The following PPP6R3 variants were observed in gnomAD, a reference collection of about 807,000 sequenced individuals.
PPP6R3 encodes the protein protein phosphatase 6 regulatory subunit 3, also known as serine/threonine-protein phosphatase 6 regulatory subunit 3.
Under a neutral mutation model 110.7 loss-of-function variants are expected in PPP6R3, and 38 were observed. The ratio of observed to expected loss-of-function variants is 0.34; its 90% CI spans 0.26 to 0.45. PPP6R3 has a LOEUF of 0.45. PPP6R3 is among the 20% of genes least tolerant of loss of function. The pLI is 1.00. For missense variants in PPP6R3, 870 were observed against 1,062.4 expected (o/e 0.82, Z 2.52); for synonymous variants, 369 against 373.5 (o/e 0.99, Z 0.14).
intron 1 of PPP6R3, among the ~76,000 whole-genome samples, chr11:68,515,857 A>AT (rs2099134027): frequency 2.0e-5 from 3 of 152,216 alleles, no homozygotes; most frequent in African/African-American, 7.2e-5. Flanking sequence ...TCTCTTCAGA[A>AT]TTCTTTAGAC....
At chr11:68,498,730 A>G (rs191195358) in intron 1 of PPP6R3, among the ~76,000 whole-genome samples, 1 of 152,344 alleles carries the variant, frequency 6.6e-6, no homozygotes, top group Non-Finnish European at 1.5e-5. Flanking sequence ...TTGTTGATGG[A>G]CATTGGATAG....
intron 11 of PPP6R3, 150 bp downstream of exon 11, chr11:68,570,047 A>C (rs183442173): frequency 5.5e-5 from 39 of 704,312 alleles, no homozygotes; most frequent in Middle Eastern, 5.6e-4. Flanking sequence ...CACTTTTAAC[A>C]TATAAATCAT....
chr11:68,505,839 C>T (rs762213510), intron 1 of PPP6R3, among the ~76,000 whole-genome samples: 4 of 151,906 alleles, frequency 2.6e-5, no homozygotes, highest in Non-Finnish European at 4.4e-5. Context: ...GAAATGCTAA[C>T]GGTGGAGACT....
chr11:68,488,209 A>G (rs2098960629), intron 1 of PPP6R3, among the ~76,000 whole-genome samples: 1 of 152,126 alleles, frequency 6.6e-6, no homozygotes, highest in South Asian at 2.1e-4. Flanking sequence ...AGTTAACATG[A>G]TATATCTTTT....
In PPP6R3 at chr11:68,615,118, T is replaced by C. The variant is rs1945017661; in HGVS notation, c.*2001T>C. ...TTCTTTGGGGCATCATTTTGTTTTG[T>C]CTTTCGTAGCAGGGAAAGGATATGA... On this transcript the variant is annotated 3_prime_UTR_variant, in exon 24 of 24. Coordinates refer to ENST00000393800, the MANE Select transcript of PPP6R3 (RefSeq NM_001164161.2). 2 of 459,880 alleles carry C rather than the reference T, an allele frequency of 4.3e-6. No homozygotes were observed. Among genetic ancestry groups the C allele is most frequent in the Admixed American group, 4.7e-5 (2 of 42,692 alleles). The allele number at this position is 459,880 out of a possible 1,614,324, so 28.5% of individuals were successfully genotyped here.
intron 2 of PPP6R3, among the ~76,000 whole-genome samples, chr11:68,521,107 T>A (rs2099162313): frequency 6.6e-6 from 1 of 152,202 alleles, no homozygotes; most frequent in Non-Finnish European, 1.5e-5. Context: ...GTATTTGAAT[T>A]CACGTCTTCT....
chr11:68,463,577 A>T lies in PPP6R3; in HGVS notation c.-158+2750A>T, dbSNP rs647153. On this transcript the variant is annotated intron_variant, in intron 1 of 23. Coordinates refer to ENST00000393800, the MANE Select transcript of PPP6R3 (RefSeq NM_001164161.2). Reference sequence around the variant, plus strand: ...CTAAAATTTTACAGTATTTTACTAAATAAGAGTAAATGATAGTGAAAATAA... The same window carrying T: ...CTAAAATTTTACAGTATTTTACTAATTAAGAGTAAATGATAGTGAAAATAA... Among the ~76,000 whole-genome samples the T allele has an allele frequency of 1.4e-3, 220 of 152,250 alleles. 1 individual carries two copies. Among genetic ancestry groups the T allele is most frequent in the African/African-American group, 5.0e-3 (207 of 41,526 alleles).
intron 6 of PPP6R3, 102 bp from the exon 7 acceptor site, chr11:68,554,043 G>C (rs1373104125): frequency 3.6e-6 from 3 of 843,760 alleles, no homozygotes; most frequent in Non-Finnish European, 5.5e-6. Context: ...CTTATGGCCA[G>C]TGTTAATTTG....
Position 68,609,919 on chromosome 11 carries a change from G to C in PPP6R3, c.2466G>C (p.Leu822=). Residue 822 remains leucine (L), a synonymous_variant, in exon 23 of 24, where the codon CTG becomes CTC. Transcript: ENST00000393800. Reference sequence around the variant, plus strand: ...TTTACTGCAGTGAGGAAGGGAAACTGTCTACCTCTCAAGATGCTGCTTGTA... The same window carrying C: ...TTTACTGCAGTGAGGAAGGGAAACTCTCTACCTCTCAAGATGCTGCTTGTA... ...TAVFKSEEGK[L]STSQDAACKD... 1 of 1,614,106 alleles carries C rather than the reference G, an allele frequency of 6.2e-7. No homozygotes were observed. Among genetic ancestry groups the C allele is most frequent in the Non-Finnish European group, 8.5e-7 (1 of 1,179,990 alleles).
intron 2 of PPP6R3, among the ~76,000 whole-genome samples, chr11:68,528,444 G>GGGC (rs869134897): frequency 1.5e-5 from 2 of 134,910 alleles, no homozygotes; most frequent in African/African-American, 5.4e-5. Context: ...GGGGGGGGGG[G>GGGC]CTGCACCTTT....
chr11:68,491,387 A>G (rs2098983405), intron 1 of PPP6R3, among the ~76,000 whole-genome samples: 1 of 145,988 alleles, frequency 6.8e-6, no homozygotes, highest in Non-Finnish European at 1.5e-5. Flanking sequence ...TGTTTGAGAC[A>G]GAGTCTTGCT....
chr11:68,476,178 GC>G (rs2098830310), intron 1 of PPP6R3, among the ~76,000 whole-genome samples: 1 of 152,244 alleles, frequency 6.6e-6, no homozygotes, highest in South Asian at 2.1e-4. Flanking sequence ...GCAACATTGA[GC>G]ACTGAGAGAA....
chr11:68,592,557 C>T (rs1050100418), intron 18 of PPP6R3, among the ~76,000 whole-genome samples: 2 of 152,094 alleles, frequency 1.3e-5, no homozygotes, highest in Non-Finnish European at 2.9e-5. Flanking sequence ...GCAGACTCAG[C>T]GGTGGCTTGA....
At chr11:68,549,871 C>T (rs1453166494) in intron 5 of PPP6R3, among the ~76,000 whole-genome samples, 1 of 152,174 alleles carries the variant, frequency 6.6e-6, no homozygotes, top group African/African-American at 2.4e-5. Flanking sequence ...TGTGGATCCA[C>T]AGTCGGAGAT....
At position 68,595,200 on chromosome 11, in the gene PPP6R3, ATTTTTTTTTTTTTTTTTTTT is replaced by A. The variant is rs71043443; in HGVS notation, c.1917-885_1917-866del. ...ACCAAAAACACAATACATAAAAATA[ATTTTTTTTTTTTTTTTTTTT>A]TTTTTTTTTTTGGAGACGGAGTTTT... On this transcript the variant is annotated intron_variant, in intron 18 of 23. Coordinates refer to ENST00000393800, the MANE Select transcript of PPP6R3 (RefSeq NM_001164161.2). 1.7e-3 allele frequency among the ~76,000 whole-genome samples: 141 copies of A among 81,190 alleles called. 1 individual carries two copies. The highest frequency in any genetic ancestry group is 5.1e-3 in the African/African-American group (130 of 25,540). The allele number at this position is 81,190 out of a possible 152,430, so 53.3% of individuals were successfully genotyped here.
At chr11:68,568,537 C>G (rs1260827207) in intron 10 of PPP6R3, among the ~76,000 whole-genome samples, 3 of 152,140 alleles carry the variant, frequency 2.0e-5, no homozygotes, top group African/African-American at 7.2e-5. Flanking sequence ...ATGCTATTAC[C>G]TTTTCAAGTA....
chr11:68,603,450 G>A lies in PPP6R3; in HGVS notation c.2408G>A (p.Ser803Asn). The A allele has an allele frequency of 2.5e-6, 4 of 1,614,184 alleles. No homozygotes were observed. Among genetic ancestry groups the A allele is most frequent in the Non-Finnish European group, 3.4e-6 (4 of 1,180,028 alleles). Reference sequence around the variant, plus strand: ...AATGGCGGCATGAAGGAAACGCTCAGCCTCACTGTAGATGCCAAGACAGAG... The same window carrying A: ...AATGGCGGCATGAAGGAAACGCTCAACCTCACTGTAGATGCCAAGACAGAG... ...VMNGGMKETL[S>N]LTVDAKTETA... Residue 803 changes from serine (S) to asparagine (N), a missense_variant, in exon 22 of 24, where the codon AGC becomes AAC. Coordinates refer to ENST00000393800, the MANE Select transcript of PPP6R3 (RefSeq NM_001164161.2).
At chr11:68,463,520 C>G (rs577856195) in intron 1 of PPP6R3, among the ~76,000 whole-genome samples, 2 of 152,092 alleles carry the variant, frequency 1.3e-5, no homozygotes, top group African/African-American at 2.4e-5. Flanking sequence ...GAGGCAGCCT[C>G]TGTGTGTGTT....
intron 2 of PPP6R3, among the ~76,000 whole-genome samples, chr11:68,536,184 A>C (rs539375181): frequency 4.6e-5 from 7 of 151,942 alleles, no homozygotes; most frequent in African/African-American, 1.7e-4. Flanking sequence ...TATTTAAAAA[A>C]CATTTTTTTT....
Sources: allele counts gnomAD v4.1 joint callset (sites outside exome capture counted in the v4.1 genomes callset), GRCh38; gene constraint gnomAD v4.1.1; transcripts MANE v1.5; gene names NCBI Gene and HGNC (gene_info 2026-07-23, HGNC 2026-07-21).